The following ABCB6 variants were observed in gnomAD, a reference collection of about 807,000 sequenced individuals.
ABCB6 encodes ATP-binding cassette sub-family B member 6.
A neutral mutation model predicts 99.4 loss-of-function variants in ABCB6; 87 were observed. The ratio of observed to expected loss-of-function variants is 0.88; its 90% confidence interval spans 0.74 to 1.05. The LOEUF is 1.05. Among genes scored for constraint, ABCB6 ranks in the 50% least tolerant of loss-of-function variants. The probability of loss-of-function intolerance (pLI) is 0.00; values close to 1 mark genes in which losing one functional copy is unlikely to be tolerated. For missense variants in ABCB6, 1,050 were observed against 1,097.9 expected, an observed-to-expected ratio of 0.96 and a Z score of 0.62; for synonymous variants, 482 against 447.5, an observed-to-expected ratio of 1.08 and a Z score of -0.97.
At chr2:219,215,250 C>A in intron 5 of ABCB6, 168 bp from the exon 6 acceptor site, 1 of 739,830 alleles carries the variant, frequency 1.4e-6, no homozygotes, top group Non-Finnish European at 2.1e-6. Flanking sequence ...GCTCAAACTA[C>A]AGAATTCTCT....
In ABCB6 at chr2:219,213,636, T is replaced by C. The variant is rs778617467; in HGVS notation, c.1609A>G (p.Ile537Val). The C allele has an allele frequency of 1.9e-6, 3 of 1,614,050 alleles. No homozygotes were observed. Among genetic ancestry groups the C allele is most frequent in the South Asian group, 1.1e-5 (1 of 91,084 alleles). Residue 537 changes from isoleucine (I) to valine (V), a missense_variant, in exon 10 of 19, where the codon ATT becomes GTT. Physicochemically the swap from Ile to Val is conservative, Grantham distance 29. Transcript: ENST00000265316. ...VGDYVLFGTYIIQLYMPLNWF... is the reference protein window; with the variant it reads ...VGDYVLFGTYVIQLYMPLNWF... Reference sequence around the variant, plus strand: ...TTGAGGGGCATGTACAGCTGGATAATGTAGGTGCCAAAGAGCACATAGTCC... The same window carrying C: ...TTGAGGGGCATGTACAGCTGGATAACGTAGGTGCCAAAGAGCACATAGTCC...
At position 219,210,065 on chromosome 2, in the gene ABCB6, T is replaced by C; in HGVS notation, c.2421-19A>G. 4 of 1,611,314 alleles carry C rather than the reference T, an allele frequency of 2.5e-6. No individual in the cohort carries two copies. Among genetic ancestry groups the C allele is most frequent in the Non-Finnish European group, 2.5e-6 (3 of 1,177,668 alleles). On this transcript the variant is annotated intron_variant, in intron 18 of 18. Coordinates refer to ENST00000265316, the MANE Select transcript of ABCB6 (RefSeq NM_005689.4). ...CTCGTGTCTGGGGTGAGGAGAAAAG[T>C]GTGAGTCCTAACCATTAGTTTTACC...
At chr2:219,211,966 T>C (rs1950584950) in intron 14 of ABCB6, among the ~76,000 whole-genome samples, 1 of 152,110 alleles carries the variant, frequency 6.6e-6, no homozygotes, top group East Asian at 1.9e-4. Context: ...GGTTTCACTG[T>C]GTTAGCCAGG....
At chr2:219,217,979 G>A in intron 1 of ABCB6, 146 bp downstream of exon 1, 1 of 1,350,758 alleles carries the variant, frequency 7.4e-7, no homozygotes, top group Non-Finnish European at 9.9e-7. Flanking sequence ...CCACCAGCTG[G>A]CTATCAGCTC....
chr2:219,212,678 T>C (rs1229613134), intron 13 of ABCB6, among the ~76,000 whole-genome samples, 187 bp from the exon 14 acceptor site: 2 of 152,138 alleles, frequency 1.3e-5, no homozygotes, highest in Non-Finnish European at 1.5e-5. Flanking sequence ...CCCGCCACCA[T>C]GCCCGGCTAA....
Position 219,213,637 on chromosome 2 carries a change from G to C in ABCB6, c.1608C>G (p.Tyr536Ter), listed in dbSNP as rs1286530824. ...QVGDYVLFGT[Y>*]IIQLYMPLNW... ...TGAGGGGCATGTACAGCTGGATAAT[G>C]TAGGTGCCAAAGAGCACATAGTCCC... Residue 536 changes from tyrosine (Y) to a stop codon, truncating the protein, a stop_gained, in exon 10 of 19, where the codon TAC becomes TAG. Transcript: ENST00000265316. LOFTEE classifies it high-confidence loss of function. The C allele has an allele frequency of 6.2e-7, 1 of 1,614,224 alleles. No individual in the cohort carries two copies. The highest frequency in any genetic ancestry group is 1.3e-5 in the African/African-American group (1 of 75,062).
chr2:219,216,067 G>A lies in ABCB6; in HGVS notation c.1084C>T (p.Leu362=), dbSNP rs72552280. The A allele has an allele frequency of 1.9e-6, 3 of 1,605,052 alleles. No homozygotes were observed. The highest frequency in any genetic ancestry group is 2.7e-5 in the African/African-American group (2 of 74,740). The change falls in exon 5 of 19, where the codon CTG becomes TTG. Residue 362 remains leucine (L), a synonymous_variant. Coordinates refer to ENST00000265316, the MANE Select transcript of ABCB6 (RefSeq NM_005689.4). This position sits in a 1 kb window ranked among gnomAD's most constrained non-coding sequence, Gnocchi z 4.2. The part of the protein sequence containing the change: ...HLHELSLRWH[L]GRRTGEVLRI... ...AGCACCTCCCCTGTGCGGCGCCCCA[G>A]GTGCCAGCGCAGTGAGAGCTCGTGC...
chr2:219,213,693 G>A (rs1950605542), intron 9 of ABCB6, 27 bp from the exon 10 acceptor site: 2 of 1,613,932 alleles, frequency 1.2e-6, no homozygotes, highest in Admixed American at 3.3e-5. Context: ...AGCAGAGCAT[G>A]TCACGGGGGG....
Position 219,218,620 on chromosome 2 carries a change from C to T in ABCB6, c.54G>A (p.Trp18Ter), listed in dbSNP as rs753708477. 5 of 1,607,104 alleles carry T rather than the reference C, an allele frequency of 3.1e-6. No homozygotes were observed. Among genetic ancestry groups the T allele is most frequent in the Non-Finnish European group, 4.2e-6 (5 of 1,177,462 alleles). Residue 18 changes from tryptophan to a stop codon, truncating the protein, a stop_gained, in exon 1 of 19, where the codon TGG becomes TGA. Transcript: ENST00000265316. LOFTEE classifies it high-confidence loss of function. ...AGCAGGGACTCAGGCCATCCTGCAT[C>T]CAGGCCGGACCCACGGGCCCTTCGG... ...CEAEGPVGPAWMQDGLSPCFF... is the reference protein window; with the variant it reads ...CEAEGPVGPA
At position 219,212,344 on chromosome 2, in the gene ABCB6, C is replaced by G. The variant is rs1454189007; in HGVS notation, c.1968+43G>C. On this transcript the variant is annotated intron_variant, in intron 14 of 18. Coordinates refer to ENST00000265316, the MANE Select transcript of ABCB6 (RefSeq NM_005689.4). Reference sequence around the variant, plus strand: ...ACAGCCAGCCCTTATCATTCCTCCACACGTAGACCCCTAAACCACCGTCTT... The same window carrying G: ...ACAGCCAGCCCTTATCATTCCTCCAGACGTAGACCCCTAAACCACCGTCTT... The G allele has an allele frequency of 4.5e-6, 7 of 1,548,442 alleles. No individual in the cohort carries two copies. In the African/African-American group the frequency reaches 9.5e-5, roughly 21 times the overall value.
At chr2:219,211,621 C>CTTTTTTTTTTT (rs34408255) in intron 14 of ABCB6, among the ~76,000 whole-genome samples, 144 of 87,602 alleles carry the variant, frequency 1.6e-3, no homozygotes, top group Middle Eastern at 8.8e-3. Context: ...ATCGTTGTAC[C>CTTTTTTTTTTT]TTTTTTTTTT....
rs1950632650 is a variant in ABCB6, at chr2:219,215,857, T to C, written c.1154+140A>G. On this transcript the variant is annotated intron_variant, in intron 5 of 18. Coordinates refer to ENST00000265316, the MANE Select transcript of ABCB6 (RefSeq NM_005689.4). ...ACCTAAGTTATTAGGAGAGCATGTA[T>C]ACAATAATCCTATACTTTAAAAAAC... 9 of 882,918 alleles carry C rather than the reference T, an allele frequency of 1.0e-5. No homozygotes were observed. The East Asian group carries it at 1.7e-4, about 17-fold the overall frequency. The allele number at this position is 882,918 out of a possible 1,614,324, so 54.7% of individuals were successfully genotyped here. A position where few individuals can be genotyped will look rare whatever the true frequency, so the allele number is the denominator to read the frequency against.
rs1950661908 is a variant in ABCB6, at chr2:219,217,765, C to T, written c.592G>A (p.Gly198Arg). Residue 198 changes from glycine (G) to arginine (R), a missense_variant, in exon 2 of 19, where the codon GGG becomes AGG. By Grantham distance (125) the Gly-to-Arg change is moderately radical. Transcript: ENST00000265316. The stretch of plus-strand genomic sequence containing the variant: ...GCCCAGAGACCCAGGACAAACAGCC[C>T]TCCAGAGACCACATACCGCAGCACC... ...LWVLRYVVSGGLFVLGLWAPG... is the reference protein window; with the variant it reads ...LWVLRYVVSGRLFVLGLWAPG... The T allele has an allele frequency of 6.2e-7, 1 of 1,613,938 alleles. No homozygotes were observed.
chr2:219,210,535 C>T (rs1210885237), intron 16 of ABCB6, 60 bp from the exon 17 acceptor site: 1 of 1,598,980 alleles, frequency 6.3e-7, no homozygotes, highest in East Asian at 2.2e-5. Context: ...TGGAAGGAGG[C>T]AGGCTGCTGG....
chr2:219,216,875 T>C lies in ABCB6; in HGVS notation c.688-43A>G. On this transcript the variant is annotated intron_variant, in intron 2 of 18. Transcript: ENST00000265316. This position sits in a 1 kb window ranked among gnomAD's most constrained non-coding sequence, Gnocchi z 4.2. ...GTAGGAAGGGAGCTCAGAAATCAAG[T>C]AAGTGCACTAGCCAGAAACCCTTCA... The C allele has an allele frequency of 1.3e-6, 2 of 1,557,922 alleles. No homozygotes were observed. The highest frequency in any genetic ancestry group is 1.7e-6 in the Non-Finnish European group (2 of 1,151,194).
rs1950640441 is a variant in ABCB6 at position 219,216,266 on chromosome 2, C to T, written c.971-86G>A. ...CCAGGATGTGAAAGGTCTGAGAGTA[C>T]ATGGGGGCTGGGGAGGAATGCTGGG... On this transcript the variant is annotated intron_variant, in intron 4 of 18. Transcript: ENST00000265316. The surrounding 1 kb of genome is among the most constrained non-coding windows in gnomAD (Gnocchi z 4.2). 1 of 1,580,810 alleles carries T rather than the reference C, an allele frequency of 6.3e-7. No homozygotes were observed. Among genetic ancestry groups the T allele is most frequent in the African/African-American group, 1.3e-5 (1 of 74,328 alleles).
At chr2:219,217,830 A>G (rs963034633) in intron 1 of ABCB6, 23 bp from the exon 2 acceptor site, 6 of 1,604,064 alleles carry the variant, frequency 3.7e-6, no homozygotes, top group African/African-American at 1.3e-5. Context: ...ATAAGTGGAG[A>G]GAGTATCATT....
rs1270762436 is a variant in ABCB6 at position 219,216,542 on chromosome 2, A to G, written c.869-77T>C. The G allele has an allele frequency of 4.5e-6, 7 of 1,555,546 alleles. No homozygotes were observed. The highest frequency in any genetic ancestry group is 6.1e-6 in the Non-Finnish European group (7 of 1,141,316). On this transcript the variant is annotated intron_variant, in intron 3 of 18. Transcript: ENST00000265316. This position sits in a 1 kb window ranked among gnomAD's most constrained non-coding sequence, Gnocchi z 4.2. The stretch of plus-strand genomic sequence containing the variant: ...GGCAAAATGGCCCCAGGTACCAGCC[A>G]CAGTCTCTTTCTGACCACCCAGCTC...
chr2:219,213,467 A>T lies in ABCB6; in HGVS notation c.1691T>A (p.Met564Lys). 6.2e-7 allele frequency: 1 copy of T among 1,614,142 alleles called. No homozygotes were observed. Among genetic ancestry groups the T allele is most frequent in the Non-Finnish European group, 8.5e-7 (1 of 1,180,038 alleles). ...IQTNFIDMEN[M>K]FDLLKEETEV... ...TGTCTCCTCTTTCAGCAAGTCAAAC[A>T]TGTTCTCCATGTCAATGAAGTTGGT... The change falls in exon 11 of 19, where the codon ATG becomes AAG. Residue 564 changes from methionine to lysine, a missense_variant. Met to Lys is a moderately conservative substitution (Grantham distance 95). Transcript: ENST00000265316.
Sources: allele counts gnomAD v4.1 joint callset (sites outside exome capture counted in the v4.1 genomes callset), GRCh38; gene constraint gnomAD v4.1.1; non-coding constraint Gnocchi (gnomAD v3.1); transcripts MANE v1.5; gene names NCBI Gene and HGNC (gene_info 2026-07-23, HGNC 2026-07-21).